Variants in ERN1 observed in about 807,000 individuals in gnomAD.
The protein encoded by ERN1 is endoplasmic reticulum to nucleus signaling 1, also known as serine/threonine-protein kinase/endoribonuclease IRE1.
A neutral mutation model predicts 113.1 loss-of-function variants in ERN1; 39 were observed. The ratio of observed to expected loss-of-function variants is 0.34; its 90% CI spans 0.27 to 0.45. The LOEUF (loss-of-function observed/expected upper bound fraction) is 0.45, where lower values mean the gene tolerates loss of function less well. Ranked by LOEUF, ERN1 falls within the 20% of genes least tolerant of loss-of-function variation. The pLI is 1.00. For missense variants in ERN1, 976 were observed against 1,274.8 expected (o/e 0.77, Z 3.57); for synonymous variants, 507 against 515.9 (o/e 0.98, Z 0.23).
intron 1 of ERN1, among the ~76,000 whole-genome samples, chr17:64,128,120 C>T (rs1477785325): frequency 6.6e-6 from 1 of 151,414 alleles, no homozygotes; most frequent in Non-Finnish European, 1.5e-5. Flanking sequence ...TCAGCCTCCC[C>T]AGTAGCTGGG....
chr17:64,129,715 G>A (rs1197975556), intron 1 of ERN1: 1 of 380,192 alleles, frequency 2.6e-6, no homozygotes, highest in African/African-American at 2.1e-5. Flanking sequence ...GGGAGCCGCT[G>A]CCCGTGACAG....
chr17:64,046,718 GC>G (rs1912525768), intron 19 of ERN1, among the ~76,000 whole-genome samples: 1 of 152,174 alleles, frequency 6.6e-6, no homozygotes, highest in African/African-American at 2.4e-5. Context: ...TCTGGCCAAG[GC>G]CCCAGTCAGA....
intron 1 of ERN1, chr17:64,102,900 T>TA (rs34921829): frequency 0.025 from 16,538 of 669,862 alleles, no homozygotes; most frequent in Non-Finnish European, 0.028. Flanking sequence ...GTTGGGAGGT[T>TA]AAAAAAAAAA....
At chr17:64,113,142 C>T (rs1466367229) in intron 1 of ERN1, among the ~76,000 whole-genome samples, 2 of 152,126 alleles carry the variant, frequency 1.3e-5, no homozygotes, top group Non-Finnish European at 2.9e-5. Flanking sequence ...ATCTAGTTAC[C>T]AGTGCGGCAT....
At chr17:64,075,381 T>A in intron 4 of ERN1, 134 bp from the exon 5 acceptor site, 1 of 723,074 alleles carries the variant, frequency 1.4e-6, no homozygotes, top group Non-Finnish European at 2.2e-6. Context: ...AGAGTTTTCC[T>A]AACTGAATAC....
At chr17:64,076,586 A>C (rs1567871725) in intron 4 of ERN1, among the ~76,000 whole-genome samples, 1 of 142,924 alleles carries the variant, frequency 7.0e-6, no homozygotes, top group Non-Finnish European at 1.5e-5. Context: ...AGCACAAGGG[A>C]GTGATGAAGG....
intron 18 of ERN1, among the ~76,000 whole-genome samples, chr17:64,048,473 T>C (rs1040551326): frequency 6.6e-6 from 1 of 152,178 alleles, no homozygotes; most frequent in Non-Finnish European, 1.5e-5. Flanking sequence ...TGCTAATCTG[T>C]GTTTTCTATA....
intron 9 of ERN1, 117 bp from the exon 10 acceptor site, chr17:64,064,268 A>G: frequency 1.7e-6 from 2 of 1,145,856 alleles, no homozygotes; most frequent in Non-Finnish European, 1.2e-6. Flanking sequence ...CTAGTCCAGG[A>G]CAGAGCAAGA....
intron 6 of ERN1, among the ~76,000 whole-genome samples, chr17:64,071,360 C>CT (rs1913409489): frequency 1.3e-5 from 2 of 152,050 alleles, no homozygotes; most frequent in Admixed American, 1.3e-4. Context: ...CACTACAAGT[C>CT]TTTAAAAACA....
At chr17:64,076,645 G>A (rs1346515050) in intron 4 of ERN1, among the ~76,000 whole-genome samples, 1 of 150,872 alleles carries the variant, frequency 6.6e-6, no homozygotes, top group Non-Finnish European at 1.5e-5. Context: ...TCTCACCCAG[G>A]CTGAAGTGCA....
intron 12 of ERN1, among the ~76,000 whole-genome samples, chr17:64,056,209 G>A (rs1912865322): frequency 6.6e-6 from 1 of 152,230 alleles, no homozygotes; most frequent in Admixed American, 6.5e-5. Flanking sequence ...GGGAGGGACT[G>A]TGCCCTAGGT....
In ERN1 at chr17:64,047,980, C is replaced by G; in HGVS notation, c.2407G>C (p.Val803Leu). 6.2e-7 allele frequency: 1 copy of G among 1,611,160 alleles called. No individual in the cohort carries two copies. The highest frequency in any genetic ancestry group is 8.5e-7 in the Non-Finnish European group (1 of 1,178,032). ...TTCTCTATCAATTCACGTGCAATGA[C>G]GTCTTCTATAAAGGAGGAAAATAAG... Reference protein sequence around the residue: ...DCLHPEKHEDVIARELIEKMI... With the variant: ...DCLHPEKHEDLIARELIEKMI... Residue 803 changes from valine (V) to leucine (L), a missense_variant, in exon 19 of 22, where the codon GTC (valine) becomes CTC (leucine). Val to Leu is a conservative substitution (Grantham distance 32). Transcript: ENST00000433197.
chr17:64,105,997 C>T (rs1335647184), intron 1 of ERN1, among the ~76,000 whole-genome samples: 2 of 151,556 alleles, frequency 1.3e-5, no homozygotes, highest in Non-Finnish European at 2.9e-5. Context: ...TTCCTCCAAA[C>T]TAAAAATACT....
At chr17:64,096,328 G>A (rs1477585612) in intron 2 of ERN1, among the ~76,000 whole-genome samples, 2 of 152,228 alleles carry the variant, frequency 1.3e-5, no homozygotes, top group Non-Finnish European at 2.9e-5. Context: ...GCATGCAAGT[G>A]TAGTGTGGCA....
chr17:64,044,029 G>T lies in ERN1; in HGVS notation c.2893C>A (p.Pro965Thr). 1 of 1,613,290 alleles carries T rather than the reference G, an allele frequency of 6.2e-7. No homozygotes were observed. Among genetic ancestry groups the T allele is most frequent in the Non-Finnish European group, 8.5e-7 (1 of 1,179,676 alleles). ...GTCACTGGGGGCTGGGGCTCTGGGG[G>T]CTCGTGGAAGTAGTAGGGCTGGAAG... ...RLFQPYYFHE[P>T]PEPQPPVTPD... The change falls in exon 22 of 22, where the codon CCC becomes ACC. Residue 965 changes from proline to threonine, a missense_variant. By Grantham distance (38) the Pro-to-Thr change is conservative. This residue lies in a region of ERN1 where 92 missense variants were observed against 87.3 expected (regional missense o/e 1.05). Transcript: ENST00000433197. This position sits in a 1 kb window ranked among gnomAD's most constrained non-coding sequence, Gnocchi z 4.1.
intron 6 of ERN1, among the ~76,000 whole-genome samples, chr17:64,069,196 C>T (rs908769239): frequency 6.6e-6 from 1 of 152,140 alleles, no homozygotes; most frequent in Non-Finnish European, 1.5e-5. Flanking sequence ...CCCTCTGCCC[C>T]CATCAAGGGA....
At position 64,108,939 on chromosome 17, in the gene ERN1, A is replaced by G. The variant is rs577758195; in HGVS notation, c.55-10698T>C. 2.0e-5 allele frequency among the ~76,000 whole-genome samples: 3 copies of G among 152,296 alleles called. No homozygotes were observed. In the South Asian group the frequency reaches 6.2e-4, roughly 32 times the overall value. On this transcript the variant is annotated intron_variant, in intron 1 of 21. Transcript: ENST00000433197. ...GGAGTTCGCGACCAGCCTGGTCAACATGGGGAAACCCCGTCTCTACTAAAA... is the reference window on the plus strand; with the variant it reads ...GGAGTTCGCGACCAGCCTGGTCAACGTGGGGAAACCCCGTCTCTACTAAAA...
intron 1 of ERN1, among the ~76,000 whole-genome samples, chr17:64,124,905 T>G (rs1047105742): frequency 6.6e-6 from 1 of 152,214 alleles, no homozygotes; most frequent in Non-Finnish European, 1.5e-5. Context: ...TCCATTTATA[T>G]AAGAGGTCCA....
chr17:64,064,193 G>C lies in ERN1; in HGVS notation c.922-42C>G, dbSNP rs369531848. The C allele has an allele frequency of 3.6e-5, 56 of 1,541,188 alleles. No individual in the cohort carries two copies. In the African/African-American group the frequency reaches 5.2e-4, roughly 14 times the overall value. On this transcript the variant is annotated intron_variant, in intron 9 of 21. Transcript: ENST00000433197. The stretch of plus-strand genomic sequence containing the variant: ...GTGAGGGTCAGGAGCCCTGGAGGGA[G>C]AGCGGGTCCCACGGCACACCATCCC...
Sources: allele counts gnomAD v4.1 joint callset (sites outside exome capture counted in the v4.1 genomes callset), GRCh38; gene constraint gnomAD v4.1.1; regional missense constraint gnomAD v4.1.1; non-coding constraint Gnocchi (gnomAD v3.1); transcripts MANE v1.5; gene names NCBI Gene and HGNC (gene_info 2026-07-23, HGNC 2026-07-21).